CNPY2: variants seen among roughly 807,000 people sequenced by gnomAD.
The protein encoded by CNPY2 is canopy FGF signaling regulator 2.
Under a neutral mutation model 25.5 loss-of-function variants are expected in CNPY2, and 19 were observed. The ratio of observed to expected loss-of-function variants is 0.74; its 90% CI spans 0.52 to 1.09. The LOEUF (loss-of-function observed/expected upper bound fraction) is 1.09. CNPY2 is among the 50% of genes least tolerant of loss of function. The pLI is 0.00. For missense variants in CNPY2, 214 were observed against 233.6 expected (o/e 0.92, Z 0.55); for synonymous variants, 82 against 85.0 (o/e 0.96, Z 0.19).
Position 56,312,222 on chromosome 12 carries a change from C to CTTTTTTTT in CNPY2, c.205-816_205-809dup, listed in dbSNP as rs56822059. ...TTTACTTGATAGTTTCAAAGTACTT[C>CTTTTTTTT]TTTTTTTTTTTTTTTTTTTTTTTTT... is the stretch of plus-strand genomic sequence containing the variant. On this transcript the variant is annotated intron_variant, in intron 3 of 5. Transcript: ENST00000273308. Among the ~76,000 whole-genome samples the CTTTTTTTT allele has an allele frequency of 8.0e-3, 1,088 of 135,308 alleles. 30 individuals are homozygous for CTTTTTTTT. Among genetic ancestry groups the CTTTTTTTT allele is most frequent in the Non-Finnish European group, 0.012 (794 of 64,746 alleles). 88.8% of individuals were successfully genotyped at this position (135,308 alleles called of 152,430 possible). A position where few individuals can be genotyped will look rare whatever the true frequency, so the allele number is the denominator to read the frequency against.
rs777195609 is a variant in CNPY2 at position 56,311,300 on chromosome 12, G to A, written c.319C>T (p.Arg107Cys). ...GATTCTCCATTCCGGCCCACTACAC[G>A]TACGTAGTTCTTGCGATGGGTGGAA... ...DPSTHRKNYV[R>C]VVGRNGESSE... The change falls in exon 4 of 6, where the codon CGT becomes TGT. Residue 107 changes from arginine (R) to cysteine (C), a missense_variant. Transcript: ENST00000273308. 10 of 1,613,982 alleles carry A rather than the reference G, an allele frequency of 6.2e-6. No homozygotes were observed. In the Admixed American group the frequency reaches 1.3e-4, roughly 22 times the overall value.
intron 3 of CNPY2, among the ~76,000 whole-genome samples, chr12:56,313,308 T>C (rs1481800035): frequency 6.6e-6 from 1 of 151,982 alleles, no homozygotes; most frequent in Non-Finnish European, 1.5e-5. Context: ...CTGACCAACA[T>C]GGAGAAACCC....
intron 3 of CNPY2, chr12:56,314,352 T>G: frequency 1.1e-5 from 9 of 825,544 alleles, no homozygotes; most frequent in Non-Finnish European, 1.3e-5. Context: ...TGCATTTTTT[T>G]GTAGAGTTGG....
Position 56,310,595 on chromosome 12 carries a change from T to G in CNPY2, c.506A>C (p.Asp169Ala). The G allele has an allele frequency of 6.2e-7, 1 of 1,614,208 alleles. No homozygotes were observed. The highest frequency in any genetic ancestry group is 8.5e-7 in the Non-Finnish European group (1 of 1,180,022). Residue 169 changes from aspartate to alanine, a missense_variant and splice_region_variant, in exon 6 of 6, where the codon GAT becomes GCT. Physicochemically the swap from Asp to Ala is moderately radical, Grantham distance 126. Coordinates refer to ENST00000273308, the MANE Select transcript of CNPY2 (RefSeq NM_014255.7). ...VKDKLCSKRT[D>A]LCDHALHISH... ...TATGTGCAGGGCATGGTCACAAAGA[T>G]CTGCAAATGGCAAACAATTTAAAGG...
In CNPY2 at chr12:56,315,074, C is replaced by A; in HGVS notation, c.88+56G>T. 4.4e-6 allele frequency: 7 copies of A among 1,596,368 alleles called. No homozygotes were observed. In the South Asian group the frequency reaches 7.7e-5, roughly 18 times the overall value. ...TTCATCCTTCTCCCAGGCCTTGGAT[C>A]TCATGCCCTCCCAAGGCTCTGCTTC... is the stretch of plus-strand genomic sequence containing the variant. On this transcript the variant is annotated intron_variant, in intron 2 of 5. Coordinates refer to ENST00000273308, the MANE Select transcript of CNPY2 (RefSeq NM_014255.7).
chr12:56,311,495 C>G (rs1873715926), intron 3 of CNPY2, 81 bp from the exon 4 acceptor site: 2 of 1,326,678 alleles, frequency 1.5e-6, no homozygotes, highest in East Asian at 2.3e-5. Flanking sequence ...CTTTCCAAAT[C>G]TAGCTCCAAC....
chr12:56,311,569 G>T, intron 3 of CNPY2, 155 bp from the exon 4 acceptor site: 1 of 840,778 alleles, frequency 1.2e-6, no homozygotes, highest in Non-Finnish European at 1.9e-6. Flanking sequence ...TTTGTTTTTT[G>T]AGATGGGGTT....
chr12:56,311,197 T>G lies in CNPY2; in HGVS notation c.408+14A>C. ...TTAATGTCCAAGAACCAGCTACCGA[T>G]TCCCATAGCTCACCGCAAACTTGAG... On this transcript the variant is annotated intron_variant, in intron 4 of 5. Transcript: ENST00000273308. 6.2e-7 allele frequency: 1 copy of G among 1,613,434 alleles called. No individual in the cohort carries two copies. The highest frequency in any genetic ancestry group is 8.5e-7 in the Non-Finnish European group (1 of 1,179,372).
In CNPY2 at chr12:56,315,243, C is replaced by T; in HGVS notation, c.-25-1G>A. On this transcript the variant is annotated splice_acceptor_variant, in intron 1 of 5. Coordinates refer to ENST00000273308, the MANE Select transcript of CNPY2 (RefSeq NM_014255.7). LOFTEE classifies it low-confidence loss of function (5UTR_SPLICE). The stretch of plus-strand genomic sequence containing the variant: ...CTTTAGCGTAATGGGGTCGCTCCAC[C>T]TGGGTTTGAGTGGGAATAAAACATA... 9.4e-6 allele frequency: 15 copies of T among 1,592,030 alleles called. No individual in the cohort carries two copies. Among genetic ancestry groups the T allele is most frequent in the Non-Finnish European group, 1.3e-5 (15 of 1,161,218 alleles).
rs770530802 is a variant in CNPY2, at chr12:56,311,740, T to TG, written c.205-327dup. 1.4e-3 allele frequency: 497 copies of TG among 363,924 alleles called. 2 individuals carry two copies. Among genetic ancestry groups the TG allele is most frequent in the Non-Finnish European group, 2.0e-3 (380 of 188,850 alleles). The allele number at this position is 363,924 out of a possible 1,614,324, so 22.5% of individuals were successfully genotyped here. Reference sequence around the variant, plus strand: ...CTAACTTTTGTATTTTTAGTAGAGATGGGGTTTCTCTGTGTTGGTCGGGCT... The same window carrying TG: ...CTAACTTTTGTATTTTTAGTAGAGATGGGGGTTTCTCTGTGTTGGTCGGGCT... On this transcript the variant is annotated intron_variant, in intron 3 of 5. Transcript: ENST00000273308.
In CNPY2 at chr12:56,311,303, C is replaced by T. The variant is rs1250964493; in HGVS notation, c.316G>A (p.Val106Ile). Residue 106 changes from valine (V) to isoleucine (I), a missense_variant, in exon 4 of 6, where the codon GTA (valine) becomes ATA (isoleucine). Coordinates refer to ENST00000273308, the MANE Select transcript of CNPY2 (RefSeq NM_014255.7). ...TCTCCATTCCGGCCCACTACACGTACGTAGTTCTTGCGATGGGTGGAAGGA... is the reference window on the plus strand; with the variant it reads ...TCTCCATTCCGGCCCACTACACGTATGTAGTTCTTGCGATGGGTGGAAGGA... ...IDPSTHRKNY[V>I]RVVGRNGESS... 9 of 1,614,038 alleles carry T rather than the reference C, an allele frequency of 5.6e-6. No individual in the cohort carries two copies. The highest frequency in any genetic ancestry group is 1.6e-4 in the Middle Eastern group (1 of 6,084).
rs1033204737 is a variant in CNPY2 at position 56,311,803 on chromosome 12, C to G, written c.205-389G>C. ...CAGACCTCAGGTGATCTGCCTGCCT[C>G]GGCATCCCAAAGTGCTGGGATTACA... On this transcript the variant is annotated intron_variant, in intron 3 of 5. Coordinates refer to ENST00000273308, the MANE Select transcript of CNPY2 (RefSeq NM_014255.7). The G allele has an allele frequency of 2.4e-5, 7 of 297,770 alleles. No individual in the cohort carries two copies. In the East Asian group the frequency reaches 3.7e-4, roughly 16 times the overall value. The allele number at this position is 297,770 out of a possible 1,614,324, so 18.4% of individuals were successfully genotyped here. A position where few individuals can be genotyped will look rare whatever the true frequency, so the allele number is the denominator to read the frequency against.
intron 3 of CNPY2, chr12:56,311,750 C>G (rs1173960844): frequency 2.8e-6 from 1 of 358,766 alleles, no homozygotes; most frequent in Non-Finnish European, 5.4e-6. Flanking sequence ...TGGGGTTTCT[C>G]TGTGTTGGTC....
intron 5 of CNPY2, 77 bp downstream of exon 5, chr12:56,310,881 G>C: frequency 7.7e-7 from 1 of 1,297,944 alleles, no homozygotes; most frequent in Non-Finnish European, 1.1e-6. Context: ...TTTCTGGGAT[G>C]GGGGTGTATG....
At chr12:56,315,584 C>T (rs533163251) in intron 1 of CNPY2, 151 of 260,886 alleles carry the variant, frequency 5.8e-4, no homozygotes, top group African/African-American at 3.1e-3. Context: ...GTGAGGACTA[C>T]AGGCACTAGG....
intron 3 of CNPY2, among the ~76,000 whole-genome samples, chr12:56,312,114 G>A (rs1873735393): frequency 6.6e-6 from 1 of 152,044 alleles, no homozygotes; most frequent in African/African-American, 2.4e-5. Flanking sequence ...TCCTGACCTA[G>A]TGATCCGCCC....
chr12:56,314,807 A>G lies in CNPY2; in HGVS notation c.204+44T>C, dbSNP rs1287924294. The G allele has an allele frequency of 1.9e-6, 3 of 1,614,034 alleles. No homozygotes were observed. In the African/African-American group the frequency reaches 4.0e-5, roughly 22 times the overall value. Reference sequence around the variant, plus strand: ...TTTTTAAGCAGTCGAATTTCATCCAAAGCCAGAGTGAGCTACTTTGTTTGG... The same window carrying G: ...TTTTTAAGCAGTCGAATTTCATCCAGAGCCAGAGTGAGCTACTTTGTTTGG... On this transcript the variant is annotated intron_variant, in intron 3 of 5. Coordinates refer to ENST00000273308, the MANE Select transcript of CNPY2 (RefSeq NM_014255.7).
At chr12:56,315,278 A>C (rs1347210944) in intron 1 of CNPY2, 36 bp from the exon 2 acceptor site, 2 of 1,322,122 alleles carry the variant, frequency 1.5e-6, no homozygotes, top group Non-Finnish European at 2.1e-6. Flanking sequence ...AAGTGTGAGG[A>C]GCCGACTCCA....
chr12:56,311,604 T>G (rs930649208), intron 3 of CNPY2, 190 bp from the exon 4 acceptor site: 4 of 659,200 alleles, frequency 6.1e-6, no homozygotes, highest in Non-Finnish European at 1.1e-5. Context: ...CAGGCTGGAG[T>G]GCATTGGCGC....
Sources: allele counts gnomAD v4.1 joint callset (sites outside exome capture counted in the v4.1 genomes callset), GRCh38; gene constraint gnomAD v4.1.1; transcripts MANE v1.5; gene names NCBI Gene and HGNC (gene_info 2026-07-23, HGNC 2026-07-21).